The following METTL23 variants were observed in gnomAD, a reference collection of about 807,000 sequenced individuals.
METTL23 encodes the protein methyltransferase 23, arginine, also known as histone-arginine methyltransferase METTL23.
METTL23 carries 24 observed loss-of-function variants against 21.2 expected under a neutral mutation model. The observed-to-expected ratio is 1.13, with a 90% CI of 0.82 to 1.59. METTL23 has a LOEUF of 1.59. METTL23 is among the 40% of genes most tolerant of loss of function. The pLI, the probability that METTL23 is intolerant of heterozygous loss-of-function variation, is 0.00. For synonymous variants in METTL23, 97 were observed against 75.2 expected, an observed-to-expected ratio of 1.29 and a Z score of -1.50; for missense variants, 276 against 221.4, an observed-to-expected ratio of 1.25 and a Z score of -1.57.
At chr17:76,727,905 A>G (rs941144977) in intron 1 of METTL23, among the ~76,000 whole-genome samples, 4 of 152,078 alleles carry the variant, frequency 2.6e-5, no homozygotes, top group African/African-American at 9.7e-5. Context: ...TCGGTTTTTC[A>G]AAGCACTTTC....
At chr17:76,731,169 G>C (rs2077192474) in intron 2 of METTL23, among the ~76,000 whole-genome samples, 1 of 152,014 alleles carries the variant, frequency 6.6e-6, no homozygotes, top group African/African-American at 2.4e-5. Context: ...CAGCTACTCA[G>C]GAGGCTGAGG....
chr17:76,729,272 G>T (rs919564313), intron 1 of METTL23, among the ~76,000 whole-genome samples: 5 of 151,728 alleles, frequency 3.3e-5, no homozygotes, highest in Admixed American at 2.6e-4. Context: ...TAGAGACAGG[G>T]GTTTCACCAT....
In METTL23 at chr17:76,727,038, C is replaced by G; in HGVS notation, c.-162C>G. 1 of 455,084 alleles carries G rather than the reference C, an allele frequency of 2.2e-6. No homozygotes were observed. The highest frequency in any genetic ancestry group is 3.6e-4 in the Middle Eastern group (1 of 2,794). The allele number at this position is 455,084 out of a possible 1,614,324, so 28.2% of individuals were successfully genotyped here. A position where few individuals can be genotyped will look rare whatever the true frequency, so the allele number is the denominator to read the frequency against. The stretch of plus-strand genomic sequence containing the variant: ...GGCAGCCCGGAGCCTTCCGCGGTCC[C>G]CCGCCCGCCCGGGGCCCAACGACGC... On this transcript the variant is annotated 5_prime_UTR_variant, in exon 1 of 5. Coordinates refer to ENST00000341249, the MANE Select transcript of METTL23 (RefSeq NM_001080510.5).
chr17:76,732,725 C>T, intron 2 of METTL23: 1 of 530,160 alleles, frequency 1.9e-6, no homozygotes. Context: ...AATTAACTGC[C>T]AGTTACGATA....
At chr17:76,728,878 C>G (rs528363727) in intron 1 of METTL23, among the ~76,000 whole-genome samples, 2 of 147,790 alleles carry the variant, frequency 1.4e-5, no homozygotes, top group African/African-American at 5.0e-5. Context: ...ACTGCAAGCT[C>G]TGCCTCCCGG....
rs780707556 is a variant in METTL23, at chr17:76,729,794, G to C, written c.84G>C (p.Glu28Asp). 6.3e-7 allele frequency: 1 copy of C among 1,586,716 alleles called. No homozygotes were observed. Among genetic ancestry groups the C allele is most frequent in the Admixed American group, 1.8e-5 (1 of 56,118 alleles). ...CTCTGCCAGGCAAGGCCATCTTAGA[G>C]GTACAAATGCCCCTGAAGTTTCCAG... ...RRSLPGKAIL[E>D]IGAGVSLPGI... Residue 28 changes from glutamate (E) to aspartate (D), a missense_variant and splice_region_variant, in exon 2 of 5, where the codon GAG becomes GAC. Transcript: ENST00000341249.
upstream of METTL23, chr17:76,726,307 GCC>G (rs2076932069): frequency 1.3e-6 from 2 of 1,529,052 alleles, no homozygotes; most frequent in Admixed American, 2.1e-5. Context: ...GGCTGGAGGT[GCC>G]GATGCCCGGC....
intron 1 of METTL23, among the ~76,000 whole-genome samples, 200 bp from the exon 2 acceptor site, chr17:76,729,490 A>G (rs2077105558): frequency 6.6e-6 from 1 of 152,242 alleles, no homozygotes; most frequent in Non-Finnish European, 1.5e-5. Context: ...CTGTGACACT[A>G]GAAGCACTTG....
rs1568010466 is a variant in METTL23, at chr17:76,729,761, CAGA to C, written c.55_57del (p.Arg19del). The C allele has an allele frequency of 3.8e-6, 6 of 1,597,802 alleles. No homozygotes were observed. The highest frequency in any genetic ancestry group is 2.3e-5 in the South Asian group (2 of 88,350). On this transcript the variant is annotated inframe_deletion, in exon 2 of 5. Coordinates refer to ENST00000341249, the MANE Select transcript of METTL23 (RefSeq NM_001080510.5). ...TCCTGGCCCAGTACCTTTGGTTTCA[CAGA>C]AGATCTCTGCCAGGCAAGGCCATCT...
In METTL23 at chr17:76,733,298, G is replaced by A. The variant is rs761110936; in HGVS notation, c.328G>A (p.Glu110Lys). Residue 110 changes from glutamate to lysine, a missense_variant, in exon 4 of 5, where the codon GAA becomes AAA. Transcript: ENST00000341249. ...CATAAATCCTTTCTCCTCAGATTTT[G>A]AAGACATTTTGGCTACAATATATTT... The part of the protein sequence containing the change: ...SDVFFEPEDF[E>K]DILATIYFLM... 1 of 1,613,862 alleles carries A rather than the reference G, an allele frequency of 6.2e-7. No homozygotes were observed. The highest frequency in any genetic ancestry group is 8.5e-7 in the Non-Finnish European group (1 of 1,179,840).
At chr17:76,728,428 T>C (rs1236098025) in intron 1 of METTL23, among the ~76,000 whole-genome samples, 1 of 102,208 alleles carries the variant, frequency 9.8e-6, no homozygotes, top group Non-Finnish European at 1.9e-5. Flanking sequence ...TTTTTTTTTT[T>C]TGGAGATGGA....
Position 76,733,612 on chromosome 17 carries a change from A to G in METTL23, c.499A>G (p.Ile167Val), listed in dbSNP as rs771402228. 3 of 1,613,966 alleles carry G rather than the reference A, an allele frequency of 1.9e-6. No individual in the cohort carries two copies. The highest frequency in any genetic ancestry group is 1.1e-5 in the South Asian group (1 of 91,080). The change falls in exon 5 of 5, where the codon ATA becomes GTA. Residue 167 changes from isoleucine to valine, a missense_variant. Physicochemically the swap from Ile to Val is conservative, Grantham distance 29. Coordinates refer to ENST00000341249, the MANE Select transcript of METTL23 (RefSeq NM_001080510.5). The stretch of plus-strand genomic sequence containing the variant: ...GTCTTTTGATGCAGACAAAGAAGAT[A>G]TAGCAGAATCTACCCTTCCAGGAAG... The part of the protein sequence containing the change: ...LESFDADKED[I>V]AESTLPGRHT...
rs370380855 is a variant in METTL23 at position 76,733,148 on chromosome 17, T to G, written c.255T>G (p.Ser85=). Residue 85 remains serine (S), a synonymous_variant, in exon 3 of 5, where the codon TCT becomes TCG. Transcript: ENST00000341249. ...TAGGACTAACATGGGGTCATATATCTTGGGATCTTCTGGCTCTACCACCAC... is the reference window on the plus strand; with the variant it reads ...TAGGACTAACATGGGGTCATATATCGTGGGATCTTCTGGCTCTACCACCAC... ...QVVGLTWGHI[S]WDLLALPPQD... 1.6e-4 allele frequency: 251 copies of G among 1,613,934 alleles called. No homozygotes were observed. In the African/African-American group the frequency reaches 2.9e-3, roughly 18 times the overall value.
intron 2 of METTL23, 94 bp from the exon 3 acceptor site, chr17:76,732,884 A>T: frequency 9.5e-7 from 1 of 1,058,066 alleles, no homozygotes; most frequent in Non-Finnish European, 1.4e-6. Context: ...ATGCTTATTT[A>T]AAAATGCAAG....
intron 2 of METTL23, among the ~76,000 whole-genome samples, chr17:76,731,776 C>T (rs568576222): frequency 7.2e-5 from 11 of 152,126 alleles, no homozygotes; most frequent in South Asian, 2.1e-4. Context: ...TTTTACTACA[C>T]CAAGTAAATG....
In METTL23 at chr17:76,726,999, C is replaced by G. The variant is rs1049980736; in HGVS notation, c.-201C>G. On this transcript the variant is annotated 5_prime_UTR_variant, in exon 1 of 5. Coordinates refer to ENST00000341249, the MANE Select transcript of METTL23 (RefSeq NM_001080510.5). The stretch of plus-strand genomic sequence containing the variant: ...TACGGCCACGTGGCCCGCGGCTTCC[C>G]GCTCGCGCAGTCTGGCAGCCCGGAG... 8.8e-6 allele frequency: 4 copies of G among 456,288 alleles called. No individual in the cohort carries two copies. The highest frequency in any genetic ancestry group is 4.0e-5 in the African/African-American group (2 of 50,090). The allele number at this position is 456,288 out of a possible 1,614,324, so 28.3% of individuals were successfully genotyped here.
intron 2 of METTL23, among the ~76,000 whole-genome samples, chr17:76,730,090 G>A (rs556921283): frequency 6.6e-6 from 1 of 151,728 alleles, no homozygotes; most frequent in Middle Eastern, 3.2e-3. Flanking sequence ...TCAGGAGTTC[G>A]AGACCAGCCT....
intron 2 of METTL23, among the ~76,000 whole-genome samples, chr17:76,732,188 T>C (rs2077239028): frequency 7.0e-6 from 1 of 143,078 alleles, no homozygotes; most frequent in Admixed American, 6.7e-5. Flanking sequence ...TGAAACCCAG[T>C]CCCTACTAAA....
rs564349781 is a variant in METTL23, at chr17:76,731,760, C to CTT, written c.85-1217_85-1216dup. ...AGAAGCTTAATATTAACATCCCACT[C>CTT]TTAACTTTTACTACACCAAGTAAAT... is the stretch of plus-strand genomic sequence containing the variant. On this transcript the variant is annotated intron_variant, in intron 2 of 4. Coordinates refer to ENST00000341249, the MANE Select transcript of METTL23 (RefSeq NM_001080510.5). 1.5e-4 allele frequency among the ~76,000 whole-genome samples: 23 copies of CTT among 152,292 alleles called. No individual in the cohort carries two copies. In the South Asian group the frequency reaches 4.6e-3, roughly 30 times the overall value.
Sources: allele counts gnomAD v4.1 joint callset (sites outside exome capture counted in the v4.1 genomes callset), GRCh38; gene constraint gnomAD v4.1.1; transcripts MANE v1.5; gene names NCBI Gene and HGNC (gene_info 2026-07-23, HGNC 2026-07-21).